The following CNBD1 variants were observed in gnomAD, a reference collection of about 807,000 sequenced individuals.
CNBD1 encodes cyclic nucleotide binding domain containing 1.
Under a neutral mutation model 54.4 loss-of-function variants are expected in CNBD1, and 71 were observed. The observed-to-expected ratio is 1.30, with a 90% CI of 1.08 to 1.59. The LOEUF (loss-of-function observed/expected upper bound fraction) is 1.59. CNBD1 is among the 40% of genes most tolerant of loss of function. CNBD1 has a pLI of 0.00. For missense variants in CNBD1, 659 were observed against 518.0 expected (o/e 1.27, Z -2.64); for synonymous variants, 182 against 170.7 (o/e 1.07, Z -0.51).
chr8:87,375,043 A>C (rs1304454726), intron 10 of CNBD1, among the ~76,000 whole-genome samples: 2 of 151,708 alleles, frequency 1.3e-5, no homozygotes, highest in Non-Finnish European at 2.9e-5. Flanking sequence ...TTTTGTCCTT[A>C]ACATTTATAA....
At chr8:87,110,590 A>G (rs73281279) in intron 4 of CNBD1, among the ~76,000 whole-genome samples, 2,228 of 152,340 alleles carry the variant, frequency 0.015, 45 homozygotes, top group African/African-American at 0.048. Context: ...AACTTTATGC[A>G]TATAGCAAAT....
At chr8:87,250,367 G>C (rs149072130) in intron 6 of CNBD1, among the ~76,000 whole-genome samples, 1 of 152,190 alleles carries the variant, frequency 6.6e-6, no homozygotes, top group Non-Finnish European at 1.5e-5. Context: ...CTTGTACACT[G>C]TTGGTTGGAA....
chr8:86,949,433 G>A (rs1230571529), intron 4 of CNBD1, among the ~76,000 whole-genome samples: 6 of 152,016 alleles, frequency 3.9e-5, no homozygotes, highest in Admixed American at 3.9e-4. Context: ...TTTCATCAGT[G>A]TTATATAGTT....
chr8:87,097,064 C>A (rs934698796), intron 4 of CNBD1, among the ~76,000 whole-genome samples: 3 of 151,978 alleles, frequency 2.0e-5, no homozygotes, highest in African/African-American at 7.3e-5. Context: ...GCCTCAAAAG[C>A]TTGCTTTTTA....
At chr8:87,064,202 A>G (rs1810599987) in intron 4 of CNBD1, among the ~76,000 whole-genome samples, 2 of 152,070 alleles carry the variant, frequency 1.3e-5, no homozygotes. Flanking sequence ...TACAGACGTT[A>G]GTCTACTGAC....
Position 87,378,872 on chromosome 8 carries a change from C to A in CNBD1, c.1304-3748C>A, listed in dbSNP as rs573261854. ...TTCTCCTTGAAAAGGTCCTTCATAT[C>A]CCTTGTAAGTTGGATTCCTAGGTAT... On this transcript the variant is annotated intron_variant, in intron 10 of 10. Coordinates refer to ENST00000518476, the MANE Select transcript of CNBD1 (RefSeq NM_173538.3). 6.7e-3 allele frequency among the ~76,000 whole-genome samples: 1,001 copies of A among 149,282 alleles called. 18 individuals carry two copies. The highest frequency in any genetic ancestry group is 0.024 in the African/African-American group (941 of 39,838).
intron 8 of CNBD1, among the ~76,000 whole-genome samples, chr8:87,329,282 A>C (rs1188079595): frequency 2.0e-5 from 3 of 152,006 alleles, no homozygotes; most frequent in Non-Finnish European, 4.4e-5. Context: ...TCTTTTTGTT[A>C]ATATCACATT....
At position 87,353,634 on chromosome 8, in the gene CNBD1, A is replaced by G. The variant is rs773369238; in HGVS notation, c.1153-2A>G. 5 of 1,558,034 alleles carry G rather than the reference A, an allele frequency of 3.2e-6. No individual in the cohort carries two copies. In the Admixed American group the frequency reaches 7.6e-5, roughly 24 times the overall value. On this transcript the variant is annotated splice_acceptor_variant, in intron 9 of 10. Coordinates refer to ENST00000518476, the MANE Select transcript of CNBD1 (RefSeq NM_173538.3). LOFTEE classifies it high-confidence loss of function. Reference sequence around the variant, plus strand: ...AACATCAATAATATATTTTTTTAACAGAAAAGATCTCAAAAACTTGTTTAT... The same window carrying G: ...AACATCAATAATATATTTTTTTAACGGAAAAGATCTCAAAAACTTGTTTAT...
rs1039264955 is a variant in CNBD1, at chr8:86,903,523, G to A, written c.159-1558G>A. ...ATGCATATACATTACTTAGAAGAGT[G>A]CCTGGCACATAGCAAGAACTAATGT... is the stretch of plus-strand genomic sequence containing the variant. On this transcript the variant is annotated intron_variant, in intron 2 of 10. Transcript: ENST00000518476. Among the ~76,000 whole-genome samples, 13 of 152,040 alleles carry A rather than the reference G, an allele frequency of 8.6e-5. No homozygotes were observed. The East Asian group carries it at 1.9e-3, about 23-fold the overall frequency.
At chr8:86,976,282 T>C (rs1255364207) in intron 4 of CNBD1, among the ~76,000 whole-genome samples, 1 of 147,904 alleles carries the variant, frequency 6.8e-6, no homozygotes, top group Non-Finnish European at 1.5e-5. Flanking sequence ...ACTTTTTGGG[T>C]AACATTAAGG....
chr8:87,357,286 C>A (rs1810438413), intron 10 of CNBD1, among the ~76,000 whole-genome samples: 1 of 151,222 alleles, frequency 6.6e-6, no homozygotes, highest in Admixed American at 6.6e-5. Context: ...CCCTCCAGAC[C>A]TGAGAATGGT....
chr8:86,932,182 A>G (rs1809468602), intron 3 of CNBD1, among the ~76,000 whole-genome samples: 2 of 152,182 alleles, frequency 1.3e-5, no homozygotes, highest in African/African-American at 4.8e-5. Flanking sequence ...ACACCTCTCC[A>G]AGTGAGGTCG....
chr8:87,075,245 A>C (rs919414108), intron 4 of CNBD1, among the ~76,000 whole-genome samples: 3 of 152,198 alleles, frequency 2.0e-5, no homozygotes, highest in Non-Finnish European at 4.4e-5. Flanking sequence ...TATGTTTACT[A>C]GTGAGGTAAA....
At chr8:87,356,586 A>G (rs1445096561) in intron 10 of CNBD1, among the ~76,000 whole-genome samples, 1 of 151,660 alleles carries the variant, frequency 6.6e-6, no homozygotes, top group Non-Finnish European at 1.5e-5. Context: ...GTGTGGGTGC[A>G]TCCAACAACG....
At chr8:87,276,046 A>G (rs1481602890) in intron 6 of CNBD1, among the ~76,000 whole-genome samples, 2 of 151,910 alleles carry the variant, frequency 1.3e-5, no homozygotes, top group African/African-American at 4.8e-5. Flanking sequence ...TAAAAATGAT[A>G]CACACATATG....
intron 8 of CNBD1, among the ~76,000 whole-genome samples, chr8:87,333,748 G>A (rs572493409): frequency 1.3e-5 from 2 of 152,228 alleles, no homozygotes; most frequent in South Asian, 2.1e-4. Context: ...GCTTTTTGAT[G>A]TGCTTCTGGA....
At chr8:87,072,632 G>T (rs974252520) in intron 4 of CNBD1, among the ~76,000 whole-genome samples, 4 of 151,904 alleles carry the variant, frequency 2.6e-5, no homozygotes, top group African/African-American at 9.7e-5. Flanking sequence ...TTGAATATTG[G>T]CTCCCAATCT....
intron 8 of CNBD1, among the ~76,000 whole-genome samples, chr8:87,333,476 G>C (rs1809877366): frequency 6.6e-6 from 1 of 152,120 alleles, no homozygotes; most frequent in Admixed American, 6.5e-5. Flanking sequence ...AATACTACCA[G>C]CTTTTGCCCA....
chr8:86,987,898 G>C (rs1478831632), intron 4 of CNBD1, among the ~76,000 whole-genome samples: 1 of 152,114 alleles, frequency 6.6e-6, no homozygotes, highest in Non-Finnish European at 1.5e-5. Flanking sequence ...GATTTGGTTT[G>C]CTAGTATTTT....
Sources: gnomAD v4.1 joint callset for allele counts (sites outside exome capture counted in the v4.1 genomes callset) on GRCh38, gnomAD v4.1.1 for gene constraint, MANE v1.5 for transcripts, NCBI Gene and HGNC (gene_info 2026-07-23, HGNC 2026-07-21) for gene names.